TTLL13: variants seen among roughly 807,000 people sequenced by gnomAD.
TTLL13 encodes the protein tubulin polyglutamylase TTLL13.
chr15:90,250,708 A>C, the TTLL13 span: 2 of 1,614,068 alleles, frequency 1.2e-6, no homozygotes, highest in African/African-American at 2.7e-5. Flanking sequence ...AGTGTGTTAA[A>C]GAGGGAGTTA....
At chr15:90,262,320 T>C in the TTLL13 span, 1 of 1,154,234 alleles carries the variant, frequency 8.7e-7, no homozygotes, top group Non-Finnish European at 1.2e-6. Context: ...CCTATCAGAC[T>C]CTTAGTGACT....
At chr15:90,259,060 T>C in the TTLL13 span, 1 of 1,502,438 alleles carries the variant, frequency 6.7e-7, no homozygotes, top group Non-Finnish European at 8.9e-7. Flanking sequence ...TATGTTCATA[T>C]TTGCATTAAA....
the TTLL13 span, chr15:90,262,598 A>C: frequency 6.5e-7 from 1 of 1,534,258 alleles, no homozygotes; most frequent in East Asian, 2.4e-5. Context: ...TGGGGAGAAA[A>C]GCCGACCCAG....
chr15:90,252,233 C>T, the TTLL13 span, among the ~76,000 whole-genome samples: 3,101 of 152,160 alleles, frequency 0.02, 96 homozygotes, highest in African/African-American at 0.067. Context: ...GACAGAGTTT[C>T]TCCATGTTGG....
At chr15:90,255,990 G>C in the TTLL13 span, 4 of 1,578,684 alleles carry the variant, frequency 2.5e-6, no homozygotes, top group Non-Finnish European at 3.5e-6. Context: ...GATGGAAGTG[G>C]AATGAGAAAG....
chr15:90,264,776 C>T, the TTLL13 span: 1 of 1,536,090 alleles, frequency 6.5e-7, no homozygotes, highest in East Asian at 2.4e-5. Flanking sequence ...AGGATCAGTG[C>T]CACCCACTTT....
the TTLL13 span, among the ~76,000 whole-genome samples, chr15:90,260,146 G>A: frequency 9.9e-5 from 15 of 152,196 alleles, no homozygotes; most frequent in Non-Finnish European, 4.4e-5. Flanking sequence ...TGGTTGAACA[G>A]TACTGGACTA....
chr15:90,259,558 C>G, the TTLL13 span, among the ~76,000 whole-genome samples: 1 of 152,128 alleles, frequency 6.6e-6, no homozygotes, highest in Non-Finnish European at 1.5e-5. Flanking sequence ...TGTATTTATA[C>G]AAAATATTTT....
At chr15:90,251,109 T>C in the TTLL13 span, among the ~76,000 whole-genome samples, 1 of 129,768 alleles carries the variant, frequency 7.7e-6, no homozygotes, top group Non-Finnish European at 1.6e-5. Flanking sequence ...GTCATCCTGG[T>C]CTGTCTTTTT....
the TTLL13 span, among the ~76,000 whole-genome samples, chr15:90,255,132 C>A: frequency 6.6e-6 from 1 of 152,204 alleles, no homozygotes; most frequent in Non-Finnish European, 1.5e-5. Flanking sequence ...CCAGGGTATT[C>A]TTTTCCAACG....
the TTLL13 span, chr15:90,264,961 C>G: frequency 6.5e-7 from 1 of 1,534,260 alleles, no homozygotes; most frequent in Non-Finnish European, 8.7e-7. Context: ...TCAATCAGTT[C>G]AGGTAAAAGC....
chr15:90,264,584 T>C, the TTLL13 span: 5 of 989,710 alleles, frequency 5.1e-6, no homozygotes, highest in East Asian at 1.0e-4. Context: ...CCAATTACAA[T>C]ACAGTGTGGG....
the TTLL13 span, chr15:90,250,517 T>A: frequency 1.5e-6 from 2 of 1,346,028 alleles, no homozygotes; most frequent in East Asian, 2.3e-5. Flanking sequence ...CTTTCCCTTA[T>A]AACAGCATGA....
chr15:90,250,950 C>A, the TTLL13 span: 2 of 1,566,316 alleles, frequency 1.3e-6, no homozygotes, highest in East Asian at 4.5e-5. Context: ...GGCCTCCCTT[C>A]AACATCTGGA....
the TTLL13 span, chr15:90,258,184 A>C: frequency 3.1e-6 from 5 of 1,614,246 alleles, no homozygotes; most frequent in Non-Finnish European, 4.2e-6. Flanking sequence ...TTTCCCCAGT[A>C]TCTGAATGGA....
chr15:90,257,041 G>A, the TTLL13 span: 3 of 1,186,808 alleles, frequency 2.5e-6, no homozygotes, highest in African/African-American at 4.6e-5. Context: ...TGGTTATTGT[G>A]GAAATTCAAT....
the TTLL13 span, chr15:90,253,170 C>A: frequency 8.3e-6 from 10 of 1,209,982 alleles, no homozygotes; most frequent in African/African-American, 1.5e-4. Context: ...AGGTGTATAC[C>A]TTACCTGACC....
the TTLL13 span, chr15:90,262,057 T>G: frequency 6.5e-7 from 1 of 1,535,964 alleles, no homozygotes; most frequent in South Asian, 1.2e-5. Flanking sequence ...AGGAACGATA[T>G]GAGGATTCTC....
At chr15:90,252,960 G>A in the TTLL13 span, among the ~76,000 whole-genome samples, 4 of 152,256 alleles carry the variant, frequency 2.6e-5, no homozygotes, top group Non-Finnish European at 5.9e-5. Flanking sequence ...CCAAGACCGT[G>A]CCACTGCACT....
Sources: allele counts gnomAD v4.1 joint callset (sites outside exome capture counted in the v4.1 genomes callset), GRCh38; gene constraint gnomAD v4.1.1; transcripts MANE v1.5; gene names NCBI Gene and HGNC (gene_info 2026-07-23, HGNC 2026-07-21).